Variants in GPC5 observed in about 807,000 individuals in gnomAD.
GPC5 encodes the protein glypican-5.
In GPC5, 47 loss-of-function variants were observed where a neutral mutation model predicts 53.9. That is an observed-to-expected ratio of 0.87 (90% confidence interval 0.69 to 1.11). The LOEUF (loss-of-function observed/expected upper bound fraction) is 1.11, where lower values mean the gene tolerates loss of function less well. Ranked by LOEUF, GPC5 falls within the 50% of genes most tolerant of loss-of-function variation. The probability of loss-of-function intolerance (pLI) is 0.00; values close to 1 mark genes in which losing one functional copy is unlikely to be tolerated. For missense variants in GPC5, 748 were observed against 713.1 expected (o/e 1.05, Z -0.56); for synonymous variants, 286 against 263.3 (o/e 1.09, Z -0.84).
intron 1 of GPC5, among the ~76,000 whole-genome samples, chr13:91,438,106 C>G (rs1057045594): frequency 5.3e-5 from 8 of 152,008 alleles, no homozygotes; most frequent in Non-Finnish European, 1.5e-5. Context: ...GCCATGGGTT[C>G]GAACTTCCTC....
chr13:92,384,762 C>T (rs2043778475), intron 7 of GPC5, among the ~76,000 whole-genome samples: 1 of 152,098 alleles, frequency 6.6e-6, no homozygotes, highest in Admixed American at 6.6e-5. Flanking sequence ...GCATTTTCCC[C>T]ACAAATGATT....
intron 7 of GPC5, among the ~76,000 whole-genome samples, chr13:92,156,240 C>G (rs569924657): frequency 5.9e-5 from 9 of 152,150 alleles, no homozygotes; most frequent in Admixed American, 3.3e-4. Flanking sequence ...TGTGGAATCC[C>G]CTCATCCTGA....
At position 92,866,300 on chromosome 13, in the gene GPC5, A is replaced by G; in HGVS notation, c.1580A>G (p.Asn527Ser). 4 of 1,610,812 alleles carry G rather than the reference A, an allele frequency of 2.5e-6. No homozygotes were observed. The highest frequency in any genetic ancestry group is 3.4e-6 in the Non-Finnish European group (4 of 1,178,028). ...TCTACAGGGATGCCAGATGATATGA[A>G]CTTCAGTGATGTAAAGCAAATCCAT... is the stretch of plus-strand genomic sequence containing the variant. ...KITDWMPDDM[N>S]FSDVKQIHQT... The change falls in exon 8 of 8, where the codon AAC (asparagine) becomes AGC (serine). Residue 527 changes from asparagine to serine, a missense_variant. Asn to Ser is a conservative substitution (Grantham distance 46, BLOSUM62 1). Transcript: ENST00000377067.
At chr13:91,936,066 A>G (rs532250774) in intron 6 of GPC5, among the ~76,000 whole-genome samples, 1 of 152,160 alleles carries the variant, frequency 6.6e-6, no homozygotes, top group Admixed American at 6.6e-5. Flanking sequence ...ATATCAACAG[A>G]TTTTAATTAC....
intron 2 of GPC5, among the ~76,000 whole-genome samples, chr13:91,633,080 A>G (rs2034199443): frequency 6.6e-6 from 1 of 152,206 alleles, no homozygotes; most frequent in South Asian, 2.1e-4. Context: ...GATGCTACAA[A>G]TTAGACTTGA....
intron 7 of GPC5, among the ~76,000 whole-genome samples, chr13:92,538,474 TA>T (rs1371411552): frequency 7.3e-5 from 11 of 150,760 alleles, no homozygotes; most frequent in Admixed American, 2.7e-4. Flanking sequence ...TTTTTTTTTT[TA>T]ATTACACTTT....
intron 2 of GPC5, among the ~76,000 whole-genome samples, chr13:91,676,688 C>T (rs1157137388): frequency 1.3e-5 from 2 of 152,120 alleles, no homozygotes; most frequent in South Asian, 2.1e-4. Context: ...AAACAGGCTT[C>T]GTGCTTTCAG....
At chr13:91,672,259 G>A (rs989817476) in intron 2 of GPC5, among the ~76,000 whole-genome samples, 4 of 152,090 alleles carry the variant, frequency 2.6e-5, no homozygotes, top group African/African-American at 9.7e-5. Context: ...TAATTAAAGA[G>A]CTTCTGCATA....
intron 2 of GPC5, among the ~76,000 whole-genome samples, chr13:91,468,376 T>A (rs773789706): frequency 3.9e-5 from 6 of 152,146 alleles, no homozygotes; most frequent in Non-Finnish European, 8.8e-5. Flanking sequence ...AATGTAACCT[T>A]ATTTGGCAAT....
intron 7 of GPC5, among the ~76,000 whole-genome samples, chr13:92,466,471 G>GACCATT (rs1477096458): frequency 6.6e-6 from 1 of 151,984 alleles, no homozygotes; most frequent in Non-Finnish European, 1.5e-5. Flanking sequence ...AATAGCTTTA[G>GACCATT]ACCATTACGG....
intron 2 of GPC5, among the ~76,000 whole-genome samples, chr13:91,623,651 AG>A (rs371805082): frequency 7.4e-4 from 113 of 152,300 alleles, no homozygotes; most frequent in African/African-American, 2.6e-3. Context: ...GGCTGCATTT[AG>A]TATAATTTCA....
chr13:92,565,071 C>A (rs1383943811), intron 7 of GPC5, among the ~76,000 whole-genome samples: 1 of 152,178 alleles, frequency 6.6e-6, no homozygotes, highest in Admixed American at 6.6e-5. Flanking sequence ...AAAATGCACT[C>A]ATTTCCCTTT....
chr13:92,398,033 T>C (rs1367643001), intron 7 of GPC5, among the ~76,000 whole-genome samples: 2 of 152,142 alleles, frequency 1.3e-5, no homozygotes, highest in African/African-American at 4.8e-5. Flanking sequence ...AAATCTTAAA[T>C]TGCAGGCTGT....
chr13:91,569,538 G>T (rs1480456627), intron 2 of GPC5, among the ~76,000 whole-genome samples: 1 of 152,034 alleles, frequency 6.6e-6, no homozygotes, highest in Non-Finnish European at 1.5e-5. Flanking sequence ...CCCCATTGGA[G>T]GTGGTATAAC....
intron 6 of GPC5, among the ~76,000 whole-genome samples, chr13:91,912,506 A>G (rs866837649): frequency 6.6e-6 from 1 of 152,172 alleles, no homozygotes; most frequent in Non-Finnish European, 1.5e-5. Context: ...TTTTTTCTAT[A>G]CTTAATTATA....
intron 7 of GPC5, among the ~76,000 whole-genome samples, chr13:92,697,761 C>T (rs1316249366): frequency 2.0e-5 from 3 of 152,144 alleles, no homozygotes; most frequent in African/African-American, 7.2e-5. Context: ...AGAGGGCATC[C>T]TTGTCTTGTG....
chr13:91,690,209 T>C (rs1316196263), intron 2 of GPC5, among the ~76,000 whole-genome samples: 1 of 152,120 alleles, frequency 6.6e-6, no homozygotes, highest in Non-Finnish European at 1.5e-5. Flanking sequence ...CTTCAAAGGG[T>C]AGTAAAGTCA....
chr13:92,834,238 T>C (rs1447951821), intron 7 of GPC5, among the ~76,000 whole-genome samples: 1 of 152,196 alleles, frequency 6.6e-6, no homozygotes, highest in African/African-American at 2.4e-5. Flanking sequence ...GCCTTGTCAT[T>C]TATTCACAAG....
rs146890562 is a variant in GPC5, at chr13:92,124,039, TAATA to T, written c.1402-20785_1402-20782del. ...TTCTCTTTTCTAGTGAATAATGACTTAATAAATAATCATTTAACAAAATCGAAAT... is the reference window on the plus strand; with the variant it reads ...TTCTCTTTTCTAGTGAATAATGACTTAATAATCATTTAACAAAATCGAAAT... On this transcript the variant is annotated intron_variant, in intron 6 of 7. Transcript: ENST00000377067. 5.2e-3 allele frequency among the ~76,000 whole-genome samples: 787 copies of T among 151,994 alleles called. 8 individuals carry two copies. The highest frequency in any genetic ancestry group is 0.018 in the African/African-American group (745 of 41,464).
Sources: gnomAD v4.1 joint callset for allele counts (sites outside exome capture counted in the v4.1 genomes callset) on GRCh38, gnomAD v4.1.1 for gene constraint, MANE v1.5 for transcripts, NCBI Gene and HGNC (gene_info 2026-07-23, HGNC 2026-07-21) for gene names.